The following CYS1 variants were observed in gnomAD, a reference collection of about 807,000 sequenced individuals.
CYS1 encodes the protein cystin 1, also known as cystin-1.
Under a neutral mutation model 9.6 loss-of-function variants are expected in CYS1, and 5 were observed. The observed-to-expected ratio is 0.52, with a 90% confidence interval of 0.27 to 1.10. CYS1 has a LOEUF of 1.10. CYS1 is among the 50% of genes least tolerant of loss of function. CYS1 has a pLI of 0.11. For synonymous variants in CYS1, 88 were observed against 95.7 expected (o/e 0.92, Z 0.47); for missense variants, 221 against 207.9 (o/e 1.06, Z -0.39).
rs1558357351 is a variant in CYS1 at position 10,063,532 on chromosome 2, T to G, written c.371+2372A>C. On this transcript the variant is annotated intron_variant, in intron 2 of 2. Transcript: ENST00000381813. This position sits in a 1 kb window ranked among gnomAD's most constrained non-coding sequence, Gnocchi z 4.2. ...TTATTTACTTCTTCATCTGATTTTC[T>G]GATGCATCCCAGAGTCAGCTGCAGA... 6.6e-6 allele frequency among the ~76,000 whole-genome samples: 1 copy of G among 152,250 alleles called. No individual in the cohort carries two copies. Among genetic ancestry groups the G allele is most frequent in the Non-Finnish European group, 1.5e-5 (1 of 68,042 alleles).
chr2:10,056,836 A>C lies in CYS1; in HGVS notation c.*2017T>G, dbSNP rs1661557360. 6.6e-6 allele frequency: 1 copy of C among 152,264 alleles called. No individual in the cohort carries two copies. Among genetic ancestry groups the C allele is most frequent in the Non-Finnish European group, 1.5e-5 (1 of 68,044 alleles). The allele number at this position is 152,264 out of a possible 1,614,324, so 9.4% of individuals were successfully genotyped here. On this transcript the variant is annotated 3_prime_UTR_variant, in exon 3 of 3. Coordinates refer to ENST00000381813, the MANE Select transcript of CYS1 (RefSeq NM_001037160.3). Reference sequence around the variant, plus strand: ...TATTATTATTTTTAAGTTCACCTACAGCTGCAGTACACACACACCGCTTTA... The same window carrying C: ...TATTATTATTTTTAAGTTCACCTACCGCTGCAGTACACACACACCGCTTTA...
At chr2:10,073,799 C>T (rs1388878387) in intron 1 of CYS1, among the ~76,000 whole-genome samples, 2 of 152,142 alleles carry the variant, frequency 1.3e-5, no homozygotes, top group Admixed American at 6.5e-5. Flanking sequence ...CTCCTTTCCA[C>T]GGCATTTCTA....
Position 10,073,220 on chromosome 2 carries a change from C to CA in CYS1, c.318+6685_318+6686insT, listed in dbSNP as rs1354518308. 2.4e-3 allele frequency among the ~76,000 whole-genome samples: 339 copies of CA among 143,292 alleles called. 2 individuals are homozygous for CA. The highest frequency in any genetic ancestry group is 8.2e-3 in the African/African-American group (313 of 38,004). The allele number at this position is 143,292 out of a possible 152,430, so 94.0% of individuals were successfully genotyped here. ...GGGCTCTGGGAACCGCCCCCCCCCC[C>CA]CCCCCGGCTGTGGGCTGCCAGTCCA... On this transcript the variant is annotated intron_variant, in intron 1 of 2. Transcript: ENST00000381813.
intron 1 of CYS1, among the ~76,000 whole-genome samples, chr2:10,072,042 C>G (rs773941899): frequency 3.3e-5 from 5 of 151,902 alleles, no homozygotes; most frequent in Non-Finnish European, 5.9e-5. Flanking sequence ...AAGTTTTTGA[C>G]TCTTAAAACT....
chr2:10,056,914 T>A lies in CYS1; in HGVS notation c.*1939A>T, dbSNP rs930099827. 3 of 152,388 alleles carry A rather than the reference T, an allele frequency of 2.0e-5. No homozygotes were observed. Among genetic ancestry groups the A allele is most frequent in the Non-Finnish European group, 2.9e-5 (2 of 68,036 alleles). 9.4% of individuals were successfully genotyped at this position (152,388 alleles called of 1,614,324 possible). A position where few individuals can be genotyped will look rare whatever the true frequency, so the allele number is the denominator to read the frequency against. On this transcript the variant is annotated 3_prime_UTR_variant, in exon 3 of 3. Transcript: ENST00000381813. ...TTCCTGAATTCAGGAAAAATTTTTT[T>A]AAAAACCTGAGAACAATTCCTGTGA...
chr2:10,079,826 G>C, intron 1 of CYS1, 80 bp downstream of exon 1: 1 of 918,740 alleles, frequency 1.1e-6, no homozygotes, highest in Non-Finnish European at 1.3e-6. Flanking sequence ...CGCGACCGGC[G>C]CCCAGGGCTG....
intron 1 of CYS1, among the ~76,000 whole-genome samples, chr2:10,072,099 T>C (rs1374271299): frequency 6.6e-6 from 1 of 152,208 alleles, no homozygotes; most frequent in Non-Finnish European, 1.5e-5. Context: ...TTTTTTTTTT[T>C]TGAGACAGAG....
chr2:10,060,430 T>C (rs1186341442), intron 2 of CYS1, among the ~76,000 whole-genome samples: 1 of 152,210 alleles, frequency 6.6e-6, no homozygotes, highest in Non-Finnish European at 1.5e-5. Flanking sequence ...GCTGGGCTCC[T>C]GGCACAGCCA....
chr2:10,068,106 T>C (rs1661719929), intron 1 of CYS1, among the ~76,000 whole-genome samples: 1 of 152,226 alleles, frequency 6.6e-6, no homozygotes, highest in African/African-American at 2.4e-5. Flanking sequence ...TTCATCTCTG[T>C]CTAATCTGTT....
chr2:10,069,752 T>C (rs1332414433), intron 1 of CYS1, among the ~76,000 whole-genome samples: 1 of 152,164 alleles, frequency 6.6e-6, no homozygotes, highest in Admixed American at 6.5e-5. Context: ...CAGAGGAAAC[T>C]TTGGATAATG....
chr2:10,068,985 C>T (rs13386366), intron 1 of CYS1, among the ~76,000 whole-genome samples: 1 of 152,036 alleles, frequency 6.6e-6, no homozygotes, highest in East Asian at 1.9e-4. Context: ...TTGCTTGAAC[C>T]CAGGAAGCAG....
rs1661918985 is a variant in CYS1 at position 10,080,017 on chromosome 2, C to T, written c.207G>A (p.Glu69=). 26 of 1,077,402 alleles carry T rather than the reference C, an allele frequency of 2.4e-5. No individual in the cohort carries two copies. The highest frequency in any genetic ancestry group is 2.9e-5 in the Non-Finnish European group (26 of 890,338). The allele number at this position is 1,077,402 out of a possible 1,614,324, so 66.7% of individuals were successfully genotyped here. A position where few individuals can be genotyped will look rare whatever the true frequency, so the allele number is the denominator to read the frequency against. The change falls in exon 1 of 3, where the codon GAG becomes GAA. Residue 69 remains glutamate (E), a synonymous_variant. Coordinates refer to ENST00000381813, the MANE Select transcript of CYS1 (RefSeq NM_001037160.3). This position sits in a 1 kb window ranked among gnomAD's most constrained non-coding sequence, Gnocchi z 6.4. ...SPVAPPDGRD[E]TLRLLDELLA... Reference sequence around the variant, plus strand: ...GCAGCTCGTCCAGCAGGCGCAGCGTCTCGTCCCTGCCGTCGGGGGGCGCCA... The same window carrying T: ...GCAGCTCGTCCAGCAGGCGCAGCGTTTCGTCCCTGCCGTCGGGGGGCGCCA...
intron 1 of CYS1, among the ~76,000 whole-genome samples, chr2:10,069,113 G>A (rs1308500972): frequency 1.3e-5 from 2 of 151,958 alleles, no homozygotes; most frequent in African/African-American, 2.4e-5. Context: ...TCCAGGAAGG[G>A]ATGAGCAGGC....
rs1342933091 is a variant in CYS1 at position 10,058,037 on chromosome 2, G to T, written c.*816C>A. The T allele has an allele frequency of 6.6e-6, 1 of 152,262 alleles. No homozygotes were observed. The highest frequency in any genetic ancestry group is 1.9e-4 in the East Asian group (1 of 5,186). The allele number at this position is 152,262 out of a possible 1,614,324, so 9.4% of individuals were successfully genotyped here. A position where few individuals can be genotyped will look rare whatever the true frequency, so the allele number is the denominator to read the frequency against. Reference sequence around the variant, plus strand: ...GCCAGTATCAGGCAGACCCTCTCCCGGTTGGACCTGGGCGCTGGCTCCCCG... The same window carrying T: ...GCCAGTATCAGGCAGACCCTCTCCCTGTTGGACCTGGGCGCTGGCTCCCCG... On this transcript the variant is annotated 3_prime_UTR_variant, in exon 3 of 3. Coordinates refer to ENST00000381813, the MANE Select transcript of CYS1 (RefSeq NM_001037160.3).
chr2:10,071,200 C>T (rs892454417), intron 1 of CYS1, among the ~76,000 whole-genome samples: 2 of 152,200 alleles, frequency 1.3e-5, no homozygotes, highest in African/African-American at 4.8e-5. Flanking sequence ...CTTTTGACCT[C>T]AGGCCGTCCA....
chr2:10,061,856 C>A (rs1661633511), intron 2 of CYS1, among the ~76,000 whole-genome samples: 1 of 152,138 alleles, frequency 6.6e-6, no homozygotes, highest in South Asian at 2.1e-4. Context: ...TCTTTCTTTC[C>A]CCTGCTTGGG....
At chr2:10,073,225 C>G (rs113468690) in intron 1 of CYS1, among the ~76,000 whole-genome samples, 5 of 123,886 alleles carry the variant, frequency 4.0e-5, no homozygotes, top group Admixed American at 3.1e-4. Flanking sequence ...CCCCCCCCCC[C>G]GGCTGTGGGC....
At chr2:10,070,039 T>C (rs1353570906) in intron 1 of CYS1, among the ~76,000 whole-genome samples, 2 of 152,172 alleles carry the variant, frequency 1.3e-5, no homozygotes, top group African/African-American at 4.8e-5. Flanking sequence ...ATCCAACAGC[T>C]CATGCCCCCT....
intron 1 of CYS1, among the ~76,000 whole-genome samples, chr2:10,072,908 G>A (rs1661790586): frequency 6.6e-6 from 1 of 151,846 alleles, no homozygotes; most frequent in African/African-American, 2.4e-5. Context: ...AGTGGTGCGG[G>A]TGGGCTCTGC....
Sources: allele counts gnomAD v4.1 joint callset (sites outside exome capture counted in the v4.1 genomes callset), GRCh38; gene constraint gnomAD v4.1.1; non-coding constraint Gnocchi (gnomAD v3.1); transcripts MANE v1.5; gene names NCBI Gene and HGNC (gene_info 2026-07-23, HGNC 2026-07-21).